Variants in TMEM229B observed in about 807,000 individuals in gnomAD.
TMEM229B encodes the protein chromosome 14 open reading frame 83.
TMEM229B carries 6 observed loss-of-function variants against 13.7 expected under a neutral mutation model. That is an observed-to-expected ratio of 0.44 (90% confidence interval 0.24 to 0.86). TMEM229B has a LOEUF of 0.86. TMEM229B is among the 40% of genes least tolerant of loss of function. The pLI is 0.23. For synonymous variants in TMEM229B, 107 were observed against 102.1 expected (o/e 1.05, Z -0.29); for missense variants, 170 against 236.0 (o/e 0.72, Z 1.83).
intron 1 of TMEM229B, among the ~76,000 whole-genome samples, chr14:67,508,135 C>CAAAAAAAAAAAAAA (rs34715322): frequency 1.5e-4 from 19 of 130,598 alleles, no homozygotes; most frequent in African/African-American, 4.2e-4. Context: ...AACTCCATCT[C>CAAAAAAAAAAAAAA]AAAAAAAAAA....
chr14:67,493,873 T>C (rs2032263486), intron 1 of TMEM229B, among the ~76,000 whole-genome samples: 1 of 152,046 alleles, frequency 6.6e-6, no homozygotes, highest in Non-Finnish European at 1.5e-5. Flanking sequence ...CTCACACATG[T>C]AATAAACTTA....
intron 2 of TMEM229B, among the ~76,000 whole-genome samples, chr14:67,481,971 G>A (rs1247373559): frequency 6.6e-6 from 1 of 152,238 alleles, no homozygotes; most frequent in African/African-American, 2.4e-5. Context: ...GTGTGAGCAA[G>A]GTTGAATGCA....
intron 2 of TMEM229B, among the ~76,000 whole-genome samples, chr14:67,485,371 A>G (rs1182326136): frequency 6.6e-6 from 1 of 152,222 alleles, no homozygotes; most frequent in African/African-American, 2.4e-5. Flanking sequence ...TGACTTTGTA[A>G]GCCCAGGCTG....
intron 1 of TMEM229B, chr14:67,503,405 TG>T (rs1243112738): frequency 6.6e-6 from 1 of 152,196 alleles, no homozygotes; most frequent in Non-Finnish European, 1.5e-5. Flanking sequence ...AAGGATTTCC[TG>T]GGGGCGCTGG....
intron 1 of TMEM229B, among the ~76,000 whole-genome samples, chr14:67,504,437 T>G (rs564690518): frequency 2.0e-5 from 3 of 152,370 alleles, no homozygotes; most frequent in Non-Finnish European, 1.5e-5. Context: ...TGTCAGTTGT[T>G]GTCACTAACC....
rs547053906 is a variant in TMEM229B, at chr14:67,514,952, C to G, written c.-192+134G>C. On this transcript the variant is annotated intron_variant, in intron 1 of 2. Transcript: ENST00000357461. Reference sequence around the variant, plus strand: ...AAAGAGGAAGCGGGATCTGCTACAGCCCCAAGTCCGGTCGCCCAGTCTTCC... The same window carrying G: ...AAAGAGGAAGCGGGATCTGCTACAGGCCCAAGTCCGGTCGCCCAGTCTTCC... The G allele has an allele frequency of 2.7e-5, 4 of 146,332 alleles. No homozygotes were observed. In the South Asian group the frequency reaches 8.8e-4, roughly 32 times the overall value. The allele number at this position is 146,332 out of a possible 1,614,324, so 9.1% of individuals were successfully genotyped here. A position where few individuals can be genotyped will look rare whatever the true frequency, so the allele number is the denominator to read the frequency against.
chr14:67,474,646 C>A (rs1257264551), intron 2 of TMEM229B, among the ~76,000 whole-genome samples: 1 of 152,180 alleles, frequency 6.6e-6, no homozygotes, highest in African/African-American at 2.4e-5. Context: ...GCAACTGTCA[C>A]CACCAACCAT....
exon 1 of TMEM229B, chr14:67,533,680 C>T (rs2033568094): frequency 6.6e-6 from 1 of 152,134 alleles, no homozygotes; most frequent in African/African-American, 2.4e-5. Context: ...TGGGAAGGGC[C>T]CTCGGAGCGG....
upstream of TMEM229B, among the ~76,000 whole-genome samples, chr14:67,491,573 C>A (rs376010282): frequency 3.9e-5 from 6 of 152,198 alleles, no homozygotes; most frequent in East Asian, 1.2e-3. Context: ...AGCTCTATGA[C>A]AGGGACCCGG....
chr14:67,484,539 A>T (rs2031764503), intron 2 of TMEM229B, among the ~76,000 whole-genome samples: 1 of 152,222 alleles, frequency 6.6e-6, no homozygotes, highest in Non-Finnish European at 1.5e-5. Context: ...CTGTAATCAC[A>T]CATCTTAGAG....
At chr14:67,526,886 T>A (rs1038190676) in intron 1 of TMEM229B, among the ~76,000 whole-genome samples, 3 of 152,086 alleles carry the variant, frequency 2.0e-5, no homozygotes, top group African/African-American at 7.2e-5. Flanking sequence ...CAAAGAGAGC[T>A]TCCAGTAGGG....
chr14:67,529,912 A>G (rs2033420531), intron 1 of TMEM229B, among the ~76,000 whole-genome samples: 1 of 152,188 alleles, frequency 6.6e-6, no homozygotes. Flanking sequence ...ACAGTAACTG[A>G]GAACCAGGTC....
At chr14:67,519,089 G>T (rs1432927850), upstream of TMEM229B, among the ~76,000 whole-genome samples, 6 of 152,322 alleles carry the variant, frequency 3.9e-5, no homozygotes, top group Non-Finnish European at 7.4e-5. Context: ...GTCTTGGTGA[G>T]AAGAGGTCAA....
At chr14:67,494,591 T>C (rs1483256746) in intron 1 of TMEM229B, among the ~76,000 whole-genome samples, 1 of 152,184 alleles carries the variant, frequency 6.6e-6, no homozygotes, top group Non-Finnish European at 1.5e-5. Context: ...ATGCTTATAC[T>C]CTGGACACGG....
At chr14:67,476,476 A>G (rs1202705684) in intron 2 of TMEM229B, among the ~76,000 whole-genome samples, 2 of 152,178 alleles carry the variant, frequency 1.3e-5, no homozygotes, top group Non-Finnish European at 2.9e-5. Context: ...AGTCTCAGCT[A>G]CTTGGGAGGC....
intron 1 of TMEM229B, among the ~76,000 whole-genome samples, chr14:67,497,250 G>A (rs369985768): frequency 2.0e-5 from 3 of 152,220 alleles, no homozygotes; most frequent in South Asian, 4.1e-4. Flanking sequence ...GTGAGCATCC[G>A]TCCCGAGGTT....
intron 1 of TMEM229B, among the ~76,000 whole-genome samples, chr14:67,504,508 T>G (rs904891780): frequency 6.6e-6 from 1 of 152,170 alleles, no homozygotes; most frequent in African/African-American, 2.4e-5. Flanking sequence ...TTCTAAGCAA[T>G]AATATCCACA....
chr14:67,494,182 G>A (rs1284972588), intron 1 of TMEM229B, among the ~76,000 whole-genome samples: 1 of 152,106 alleles, frequency 6.6e-6, no homozygotes, highest in Non-Finnish European at 1.5e-5. Context: ...GCGCCAAACA[G>A]CACTTAGGCA....
At chr14:67,503,824 C>T (rs2032708449) in intron 1 of TMEM229B, among the ~76,000 whole-genome samples, 1 of 151,352 alleles carries the variant, frequency 6.6e-6, no homozygotes, top group African/African-American at 2.4e-5. Flanking sequence ...CTGCCTCAGC[C>T]TCCCGAGTAG....
Sources: gnomAD v4.1 joint callset for allele counts (sites outside exome capture counted in the v4.1 genomes callset) on GRCh38, gnomAD v4.1.1 for gene constraint, MANE v1.5 for transcripts, NCBI Gene and HGNC (gene_info 2026-07-23, HGNC 2026-07-21) for gene names.